NEBL: variants seen among roughly 807,000 people sequenced by gnomAD.
The protein encoded by NEBL is LIM and SH3 protein 2.
In NEBL, 122 loss-of-function variants were observed where a neutral mutation model predicts 140.2. The observed-to-expected ratio is 0.87, with a 90% CI of 0.75 to 1.01. The LOEUF is 1.01. Among genes scored for constraint, NEBL ranks in the 50% least tolerant of loss-of-function variants. The pLI, the probability that NEBL is intolerant of heterozygous loss-of-function variation, is 0.00. For synonymous variants in NEBL, 436 were observed against 398.9 expected (o/e 1.09, Z -1.11); for missense variants, 1,365 against 1,231.3 (o/e 1.11, Z -1.62).
At chr10:21,250,375 A>T (rs988918831) in intron 2 of NEBL, among the ~76,000 whole-genome samples, 1 of 152,124 alleles carries the variant, frequency 6.6e-6, no homozygotes, top group African/African-American at 2.4e-5. Context: ...GGAACATCAG[A>T]CTCCAAGGTC....
intron 2 of NEBL, among the ~76,000 whole-genome samples, chr10:21,152,387 C>A (rs1257954025): frequency 6.6e-6 from 1 of 152,208 alleles, no homozygotes; most frequent in African/African-American, 2.4e-5. Flanking sequence ...CAAAGTTATA[C>A]AATGCCCCTG....
At chr10:20,950,457 T>C (rs1835403112) in intron 4 of NEBL, among the ~76,000 whole-genome samples, 1 of 152,138 alleles carries the variant, frequency 6.6e-6, no homozygotes, top group African/African-American at 2.4e-5. Flanking sequence ...ATTCATCTCT[T>C]CCCTTCCTTC....
At chr10:21,183,764 C>T (rs541414548) in intron 3 of NEBL, among the ~76,000 whole-genome samples, 18 of 152,186 alleles carry the variant, frequency 1.2e-4, no homozygotes, top group Admixed American at 1.3e-4. Context: ...TTGGCTGTGT[C>T]GCCACCCAAA....
chr10:21,154,395 G>C lies in NEBL; in HGVS notation c.164+17988C>G, dbSNP rs145524892. 6.4e-4 allele frequency among the ~76,000 whole-genome samples: 96 copies of C among 149,784 alleles called. No individual in the cohort carries two copies. The East Asian group carries it at 0.016, about 24-fold the overall frequency. On this transcript the variant is annotated intron_variant, in intron 2 of 6. Transcript: ENST00000417816. Reference sequence around the variant, plus strand: ...AATCACTTGAACCTGGGAGGTGGAGGTTGCAATGAGCTGAAATCGCGCCAC... The same window carrying C: ...AATCACTTGAACCTGGGAGGTGGAGCTTGCAATGAGCTGAAATCGCGCCAC...
chr10:20,994,992 T>C (rs2131696543), intron 3 of NEBL, among the ~76,000 whole-genome samples: 1 of 152,218 alleles, frequency 6.6e-6, no homozygotes, highest in East Asian at 1.9e-4. Flanking sequence ...CAACTGTAGT[T>C]ATACCAAATT....
chr10:20,987,616 A>C (rs765995787), intron 3 of NEBL, among the ~76,000 whole-genome samples: 17 of 152,042 alleles, frequency 1.1e-4, no homozygotes, highest in Non-Finnish European at 1.9e-4. Context: ...CTGCCTCCCA[A>C]ATCTATTTCA....
intron 2 of NEBL, chr10:21,248,133 C>G (rs777497386): frequency 9.6e-6 from 2 of 208,926 alleles, no homozygotes; most frequent in Non-Finnish European, 2.2e-5. Flanking sequence ...TGCAGTGGTG[C>G]AATCATGGCT....
At chr10:21,247,054 C>T (rs1266365975) in intron 3 of NEBL, among the ~76,000 whole-genome samples, 1 of 151,974 alleles carries the variant, frequency 6.6e-6, no homozygotes, top group Non-Finnish European at 1.5e-5. Context: ...TCCCCCTTCA[C>T]TCTCTCTCTC....
intron 17 of NEBL, 57 bp from the exon 18 acceptor site, chr10:20,826,596 T>C: frequency 7.6e-7 from 1 of 1,318,774 alleles, no homozygotes; most frequent in Non-Finnish European, 1.1e-6. Context: ...AAGTCCTAGA[T>C]CCGCTTCTTA....
intron 2 of NEBL, among the ~76,000 whole-genome samples, chr10:21,086,680 G>A (rs1589221104): frequency 6.6e-6 from 1 of 152,172 alleles, no homozygotes; most frequent in African/African-American, 2.4e-5. Flanking sequence ...TGGAAGCCAA[G>A]GTGGGTGGAT....
intron 2 of NEBL, among the ~76,000 whole-genome samples, chr10:21,141,695 T>C (rs560645092): frequency 4.6e-5 from 7 of 152,276 alleles, no homozygotes; most frequent in African/African-American, 1.7e-4. Context: ...TTGAATAAAA[T>C]GAACAAAAGG....
At chr10:21,019,040 C>T (rs561558288) in intron 3 of NEBL, among the ~76,000 whole-genome samples, 1 of 152,056 alleles carries the variant, frequency 6.6e-6, no homozygotes. Flanking sequence ...ACCCCTCCCC[C>T]CAGAAAAAGA....
intron 2 of NEBL, among the ~76,000 whole-genome samples, chr10:21,056,918 G>T (rs555872591): frequency 6.6e-6 from 1 of 151,928 alleles, no homozygotes; most frequent in African/African-American, 2.4e-5. Flanking sequence ...TCTTAAGCTC[G>T]GAGTCAAAGA....
intron 4 of NEBL, among the ~76,000 whole-genome samples, chr10:20,916,599 A>G (rs1472925083): frequency 6.6e-6 from 1 of 152,054 alleles, no homozygotes; most frequent in African/African-American, 2.4e-5. Flanking sequence ...TAGTAGCGAC[A>G]AGGTTTCACC....
chr10:20,946,135 G>C (rs1165107076), intron 4 of NEBL, among the ~76,000 whole-genome samples: 1 of 152,204 alleles, frequency 6.6e-6, no homozygotes, highest in East Asian at 1.9e-4. Context: ...ACAGGCCCCT[G>C]CTTGAGTCTT....
intron 3 of NEBL, among the ~76,000 whole-genome samples, chr10:20,989,932 A>G (rs73607566): frequency 0.033 from 5,057 of 152,280 alleles, 270 homozygotes; most frequent in African/African-American, 0.11. Flanking sequence ...TAGCATACCA[A>G]TTACTGCTGA....
intron 3 of NEBL, among the ~76,000 whole-genome samples, chr10:21,195,413 A>G (rs1841633444): frequency 2.6e-5 from 4 of 152,240 alleles, no homozygotes; most frequent in Admixed American, 2.6e-4. Context: ...CAGCCTAAAC[A>G]TCACAACATA....
chr10:20,937,525 C>G (rs150507525), intron 4 of NEBL, among the ~76,000 whole-genome samples: 1 of 152,126 alleles, frequency 6.6e-6, no homozygotes, highest in Non-Finnish European at 1.5e-5. Context: ...ACGCAGAAAA[C>G]AGATGATTTC....
intron 3 of NEBL, among the ~76,000 whole-genome samples, chr10:21,001,332 C>G (rs1248608776): frequency 6.6e-6 from 1 of 152,108 alleles, no homozygotes. Flanking sequence ...AAGCTGGGAG[C>G]CACGTAGCAG....
Sources: allele counts gnomAD v4.1 joint callset (sites outside exome capture counted in the v4.1 genomes callset), GRCh38; gene constraint gnomAD v4.1.1; transcripts MANE v1.5; gene names NCBI Gene and HGNC (gene_info 2026-07-23, HGNC 2026-07-21).